The following CDC14B variants were observed in gnomAD, a reference collection of about 807,000 sequenced individuals.
CDC14B encodes dual specificity protein phosphatase CDC14B.
Under a neutral mutation model 64.2 loss-of-function variants are expected in CDC14B, and 22 were observed. The observed-to-expected ratio is 0.34, with a 90% CI of 0.24 to 0.49. The LOEUF is 0.49. CDC14B is among the 20% of genes least tolerant of loss of function. The pLI is 0.99. For synonymous variants in CDC14B, 191 were observed against 215.8 expected (o/e 0.89, Z 1.01); for missense variants, 498 against 629.9 (o/e 0.79, Z 2.24).
rs112426361 is a variant in CDC14B at position 96,534,439 on chromosome 9, C to T, written c.715+16G>A. On this transcript the variant is annotated intron_variant, in intron 8 of 13. Transcript: ENST00000375241. ...TTTCAATAACAAAATGAGATTAATG[C>T]CATAATTTCACATACCACTTTCAAG... The T allele has an allele frequency of 2.4e-5, 36 of 1,530,868 alleles. No homozygotes were observed. In the African/African-American group the frequency reaches 2.9e-4, roughly 12 times the overall value. 94.8% of individuals were successfully genotyped at this position (1,530,868 alleles called of 1,614,324 possible). A position where few individuals can be genotyped will look rare whatever the true frequency, so the allele number is the denominator to read the frequency against.
At chr9:96,539,039 G>A (rs1407675949) in intron 7 of CDC14B, 39 bp downstream of exon 7, 2 of 1,303,926 alleles carry the variant, frequency 1.5e-6, no homozygotes, top group Non-Finnish European at 2.2e-6. Flanking sequence ...AGCTGGGCGG[G>A]GGGAGGAAGA....
intron 5 of CDC14B, among the ~76,000 whole-genome samples, chr9:96,544,364 C>T (rs1010978538): frequency 6.6e-6 from 1 of 151,994 alleles, no homozygotes; most frequent in East Asian, 1.9e-4. Context: ...TTGCTCAAAC[C>T]TTAAGGGCCA....
chr9:96,496,203 G>A (rs1833230935), downstream of CDC14B: 10 of 444,856 alleles, frequency 2.2e-5, no homozygotes, highest in South Asian at 9.7e-5. Context: ...TGAGGCAGAC[G>A]CACCTGCTGA....
At chr9:96,608,679 C>T (rs181256918) in intron 1 of CDC14B, among the ~76,000 whole-genome samples, 6 of 151,576 alleles carry the variant, frequency 4.0e-5, no homozygotes, top group Non-Finnish European at 8.8e-5. Context: ...TACTTCTTAC[C>T]GAGAATAAAC....
intron 7 of CDC14B, among the ~76,000 whole-genome samples, chr9:96,537,325 T>A (rs1003949386): frequency 7.2e-5 from 11 of 152,176 alleles, no homozygotes; most frequent in Admixed American, 2.0e-4. Context: ...AAAATAAAAC[T>A]GTTAGAAAAT....
At chr9:96,612,177 T>C (rs1412853845) in intron 1 of CDC14B, among the ~76,000 whole-genome samples, 6 of 152,334 alleles carry the variant, frequency 3.9e-5, no homozygotes, top group East Asian at 3.9e-4. Flanking sequence ...CTCTGACAAA[T>C]ACAGAGCCAG....
intron 1 of CDC14B, among the ~76,000 whole-genome samples, chr9:96,574,697 C>CAAAAAAAAAAAA (rs57056796): frequency 0.017 from 854 of 49,934 alleles, 190 homozygotes; most frequent in African/African-American, 0.069. Flanking sequence ...CTCGGTCTCA[C>CAAAAAAAAAAAA]AAAAAAAAAA....
intron 1 of CDC14B, among the ~76,000 whole-genome samples, chr9:96,576,850 T>C (rs1175223791): frequency 2.0e-5 from 3 of 152,104 alleles, no homozygotes; most frequent in Non-Finnish European, 4.4e-5. Context: ...CAAAAACTTT[T>C]CAAATAGGGT....
intron 7 of CDC14B, among the ~76,000 whole-genome samples, chr9:96,535,447 G>A (rs959559452): frequency 3.9e-5 from 6 of 152,168 alleles, no homozygotes; most frequent in African/African-American, 1.4e-4. Context: ...GTTACTTCCT[G>A]TTATTAGGTC....
intron 5 of CDC14B, among the ~76,000 whole-genome samples, chr9:96,550,734 TAAGTC>T (rs1841682189): frequency 6.6e-6 from 1 of 152,226 alleles, no homozygotes; most frequent in African/African-American, 2.4e-5. Context: ...ACTATAGAGC[TAAGTC>T]AAGTATTTTG....
chr9:96,510,531 T>C (rs1834770027), intron 12 of CDC14B, among the ~76,000 whole-genome samples: 1 of 151,634 alleles, frequency 6.6e-6, no homozygotes, highest in African/African-American at 2.4e-5. Context: ...GATGGTCCTT[T>C]GGTTTTTTTT....
chr9:96,496,836 C>T (rs1179249475), downstream of CDC14B, among the ~76,000 whole-genome samples: 1 of 152,232 alleles, frequency 6.6e-6, no homozygotes, highest in African/African-American at 2.4e-5. Flanking sequence ...CTTCTCTGTC[C>T]TGTGTACTGC....
intron 9 of CDC14B, among the ~76,000 whole-genome samples, chr9:96,525,104 A>C (rs984829533): frequency 2.0e-5 from 3 of 152,190 alleles, no homozygotes; most frequent in Admixed American, 1.3e-4. Context: ...GGGAATCAGG[A>C]ACTAGAGTCA....
chr9:96,597,231 C>T (rs1264084903), intron 1 of CDC14B, among the ~76,000 whole-genome samples: 8 of 152,168 alleles, frequency 5.3e-5, no homozygotes, highest in African/African-American at 1.7e-4. Flanking sequence ...CAGTGGCTCA[C>T]GCCTGTAATC....
intron 1 of CDC14B, among the ~76,000 whole-genome samples, chr9:96,591,581 T>A (rs1845796163): frequency 6.6e-6 from 1 of 152,152 alleles, no homozygotes; most frequent in Non-Finnish European, 1.5e-5. Flanking sequence ...TGAGGTTCCA[T>A]ATAAATTTTA....
chr9:96,592,252 A>AT (rs1372671955), intron 1 of CDC14B, among the ~76,000 whole-genome samples: 1 of 151,696 alleles, frequency 6.6e-6, no homozygotes, highest in East Asian at 2.0e-4. Context: ...TAATTGTTGT[A>AT]TTTTTTGTAG....
chr9:96,572,821 A>C (rs1588012418), intron 1 of CDC14B, among the ~76,000 whole-genome samples: 1 of 152,252 alleles, frequency 6.6e-6, no homozygotes, highest in African/African-American at 2.4e-5. Context: ...AGCCAATATC[A>C]CACTTTATGC....
intron 5 of CDC14B, among the ~76,000 whole-genome samples, chr9:96,545,329 CTTTT>C (rs59040963): frequency 2.3e-5 from 3 of 132,978 alleles, no homozygotes; most frequent in African/African-American, 5.5e-5. Flanking sequence ...TGATTATTTT[CTTTT>C]TTTTTTTTTT....
At chr9:96,566,748 C>G in intron 1 of CDC14B, 1 of 1,597,662 alleles carries the variant, frequency 6.3e-7, no homozygotes, top group Non-Finnish European at 8.5e-7. Flanking sequence ...CCAGGGGAAG[C>G]CCCCGCCCTC....
Sources: allele counts gnomAD v4.1 joint callset (sites outside exome capture counted in the v4.1 genomes callset), GRCh38; gene constraint gnomAD v4.1.1; transcripts MANE v1.5; gene names NCBI Gene and HGNC (gene_info 2026-07-23, HGNC 2026-07-21).